The following SHANK2 variants were observed in gnomAD, a reference collection of about 807,000 sequenced individuals.
SHANK2 encodes SH3 and multiple ankyrin repeat domains protein 2.
SHANK2 carries 43 observed loss-of-function variants against 133.7 expected under a neutral mutation model. The ratio of observed to expected loss-of-function variants is 0.32; its 90% CI spans 0.25 to 0.41. The LOEUF (loss-of-function observed/expected upper bound fraction) is 0.41, where lower values mean the gene tolerates loss of function less well. Among genes scored for constraint, SHANK2 ranks in the 10% least tolerant of loss-of-function variants. The probability of loss-of-function intolerance (pLI) is 1.00; values close to 1 mark genes in which losing one functional copy is unlikely to be tolerated. For synonymous variants in SHANK2, 1,017 were observed against 952.8 expected (o/e 1.07, Z -1.24); for missense variants, 1,994 against 2,235.8 (o/e 0.89, Z 2.18).
At chr11:70,607,784 G>A (rs2060598993) in intron 17 of SHANK2, among the ~76,000 whole-genome samples, 2 of 152,266 alleles carry the variant, frequency 1.3e-5, no homozygotes, top group Admixed American at 1.3e-4. Context: ...ACCGCCTAAT[G>A]CCAGCCTGGC....
Position 70,944,222 on chromosome 11 carries a change from G to A in SHANK2, c.1108-47655C>T, listed in dbSNP as rs144794425. Among the ~76,000 whole-genome samples, 157 of 152,338 alleles carry A rather than the reference G, an allele frequency of 1.0e-3. 2 individuals are homozygous for A. Among genetic ancestry groups the A allele is most frequent in the Admixed American group, 5.4e-3 (83 of 15,304 alleles). On this transcript the variant is annotated intron_variant, in intron 10 of 25. Transcript: ENST00000601538. ...AGCGCAGGTCTATTCCTGTAAGGTGGAAACACATCTGGCAATCACTGTTGC... is the reference window on the plus strand; with the variant it reads ...AGCGCAGGTCTATTCCTGTAAGGTGAAAACACATCTGGCAATCACTGTTGC...
At chr11:70,938,426 C>T (rs1306008361) in intron 10 of SHANK2, among the ~76,000 whole-genome samples, 3 of 152,212 alleles carry the variant, frequency 2.0e-5, no homozygotes, top group Non-Finnish European at 4.4e-5. Flanking sequence ...AAGGCATGTT[C>T]CTGAAAACTT....
At chr11:70,709,389 C>T (rs1279441356) in intron 14 of SHANK2, among the ~76,000 whole-genome samples, 1 of 152,226 alleles carries the variant, frequency 6.6e-6, no homozygotes, top group Non-Finnish European at 1.5e-5. Flanking sequence ...ATGGCAGGAC[C>T]TTAGCTAATG....
At chr11:70,748,863 A>G (rs537861734) in intron 14 of SHANK2, among the ~76,000 whole-genome samples, 1 of 152,320 alleles carries the variant, frequency 6.6e-6, no homozygotes, top group East Asian at 1.9e-4. Context: ...TGAAGTGGAG[A>G]AAAGCTCTTG....
At chr11:70,745,122 G>A (rs782806960) in intron 14 of SHANK2, among the ~76,000 whole-genome samples, 13 of 152,244 alleles carry the variant, frequency 8.5e-5, no homozygotes, top group South Asian at 2.1e-4. Context: ...ATTTCTACCC[G>A]ACCTCCAACT....
chr11:71,225,548 C>G lies in SHANK2; in HGVS notation c.-112-752G>C, dbSNP rs149403819. Among the ~76,000 whole-genome samples the G allele has an allele frequency of 1.6e-3, 249 of 152,272 alleles. 2 individuals are homozygous for G. The highest frequency in any genetic ancestry group is 5.8e-3 in the African/African-American group (243 of 41,564). On this transcript the variant is annotated intron_variant, in intron 1 of 25. Transcript: ENST00000601538. Reference sequence around the variant, plus strand: ...AAGTTAGCTTACAAAAAAAGTTTAACTAAGACTAAAAGTCTCATAACATAA... The same window carrying G: ...AAGTTAGCTTACAAAAAAAGTTTAAGTAAGACTAAAAGTCTCATAACATAA...
At chr11:70,840,404 T>C (rs759413051) in intron 11 of SHANK2, among the ~76,000 whole-genome samples, 1 of 152,066 alleles carries the variant, frequency 6.6e-6, no homozygotes, top group Non-Finnish European at 1.5e-5. Flanking sequence ...AGTTTCCCCA[T>C]ATATCAAAAG....
At chr11:70,538,513 A>G (rs961076971) in intron 17 of SHANK2, among the ~76,000 whole-genome samples, 2 of 152,248 alleles carry the variant, frequency 1.3e-5, no homozygotes, top group Non-Finnish European at 2.9e-5. Flanking sequence ...GCCAGTGCTA[A>G]GGAGGTGGCT....
chr11:70,487,123 G>T lies in SHANK2; in HGVS notation c.3170C>A (p.Pro1057His). ...CTGGCTCGGTGGCTCCGGGGCCTGG[G>T]GGTCGATCTCCATGCTGCTGCCCTG... ...SSQGSSMEID[P>H]QAPEPPSQLR... Residue 1057 changes from proline (P) to histidine (H), a missense_variant, in exon 25 of 26, where the codon CCC becomes CAC. Physicochemically the swap from Pro to His is moderately conservative, Grantham distance 77. Transcript: ENST00000601538. This position sits in a 1 kb window ranked among gnomAD's most constrained non-coding sequence, Gnocchi z 5.8. 1 of 1,612,014 alleles carries T rather than the reference G, an allele frequency of 6.2e-7. No individual in the cohort carries two copies. The highest frequency in any genetic ancestry group is 8.5e-7 in the Non-Finnish European group (1 of 1,180,004).
chr11:70,797,396 G>A (rs568998096), intron 14 of SHANK2, among the ~76,000 whole-genome samples: 1 of 152,328 alleles, frequency 6.6e-6, no homozygotes, highest in South Asian at 2.1e-4. Flanking sequence ...CTAAGCCTGA[G>A]CAGGGACTCA....
chr11:70,771,549 TC>T (rs1555042780), intron 14 of SHANK2, among the ~76,000 whole-genome samples: 1 of 151,958 alleles, frequency 6.6e-6, no homozygotes, highest in East Asian at 1.9e-4. Context: ...TGGGTGGGTA[TC>T]CATCGGGTCG....
At chr11:70,825,627 A>T (rs1948625516) in intron 11 of SHANK2, among the ~76,000 whole-genome samples, 2 of 152,122 alleles carry the variant, frequency 1.3e-5, no homozygotes, top group African/African-American at 4.8e-5. Flanking sequence ...TGAGTACTGA[A>T]ATTTCTTTGG....
chr11:70,729,386 G>A (rs1217312251), intron 14 of SHANK2, among the ~76,000 whole-genome samples: 1 of 152,136 alleles, frequency 6.6e-6, no homozygotes, highest in Non-Finnish European at 1.5e-5. Context: ...GGGGGCTGGG[G>A]GAAATAGGGA....
At position 70,806,814 on chromosome 11, in the gene SHANK2, C is replaced by T. The variant is rs372627469; in HGVS notation, c.1663+188G>A. Among the ~76,000 whole-genome samples, 77 of 152,332 alleles carry T rather than the reference C, an allele frequency of 5.1e-4. 1 individual carries two copies. The highest frequency in any genetic ancestry group is 1.2e-3 in the African/African-American group (50 of 41,586). On this transcript the variant is annotated intron_variant, in intron 13 of 25. Coordinates refer to ENST00000601538, the MANE Select transcript of SHANK2 (RefSeq NM_012309.5). ...CCCTGAGACCCAGCACTGGGGAAGC[C>T]GCAGCAGCTCCCTGGAGAGTGAGGG...
rs551692227 is a variant in SHANK2, at chr11:70,640,007, C to T, written c.2061+19821G>A. On this transcript the variant is annotated intron_variant, in intron 17 of 25. Transcript: ENST00000601538. Reference sequence around the variant, plus strand: ...GGGGCTCAGAGGGCTTTGCCCAGGCCGTCCAGGGGCCTGGAGGCTGCAGAA... The same window carrying T: ...GGGGCTCAGAGGGCTTTGCCCAGGCTGTCCAGGGGCCTGGAGGCTGCAGAA... Among the ~76,000 whole-genome samples, 12 of 152,316 alleles carry T rather than the reference C, an allele frequency of 7.9e-5. No individual in the cohort carries two copies. In the South Asian group the frequency reaches 1.0e-3, roughly 13 times the overall value.
At chr11:70,552,802 C>T (rs1554978495) in intron 17 of SHANK2, among the ~76,000 whole-genome samples, 1 of 152,120 alleles carries the variant, frequency 6.6e-6, no homozygotes, top group African/African-American at 2.4e-5. Context: ...GACTCTGGTG[C>T]CCACCTGCCC....
Position 70,485,321 on chromosome 11 carries a change from C to G in SHANK2, c.4972G>C (p.Ala1658Pro), listed in dbSNP as rs549100069. 49 of 1,613,642 alleles carry G rather than the reference C, an allele frequency of 3.0e-5. 1 individual carries two copies. The highest frequency in any genetic ancestry group is 4.2e-6 in the Non-Finnish European group (5 of 1,179,978). ...SPMGAKSASL[A>P]PRSPEIMSTI... ...CACCAACCGCGGACTTACCTTGGAG[C>G]GAGGCTGGCGGACTTGGCTCCCATT... Residue 1658 changes from alanine (A) to proline (P), a missense_variant, in exon 25 of 26, where the codon GCT (alanine) becomes CCT (proline). By Grantham distance (27) the Ala-to-Pro change is conservative. This residue lies in a region of SHANK2 where 797 missense variants were observed against 907.4 expected (regional missense o/e 0.88). Transcript: ENST00000601538. The surrounding 1 kb of genome is among the most constrained non-coding windows in gnomAD (Gnocchi z 5.8).
chr11:70,504,130 G>C (rs935675699), intron 17 of SHANK2, among the ~76,000 whole-genome samples: 1 of 152,220 alleles, frequency 6.6e-6, no homozygotes, highest in African/African-American at 2.4e-5. Flanking sequence ...CACCCTGATC[G>C]TAAACAACAG....
At chr11:70,878,200 C>T (rs1225364777) in intron 11 of SHANK2, among the ~76,000 whole-genome samples, 2 of 152,138 alleles carry the variant, frequency 1.3e-5, no homozygotes, top group Non-Finnish European at 2.9e-5. Flanking sequence ...AAAACCAAGC[C>T]GCAGCTCCCT....
Sources: allele counts gnomAD v4.1 joint callset (sites outside exome capture counted in the v4.1 genomes callset), GRCh38; gene constraint gnomAD v4.1.1; regional missense constraint gnomAD v4.1.1; non-coding constraint Gnocchi (gnomAD v3.1); transcripts MANE v1.5; gene names NCBI Gene and HGNC (gene_info 2026-07-23, HGNC 2026-07-21).